The following PRH1 variants were observed in gnomAD, a reference collection of about 807,000 sequenced individuals.
PRH1 encodes the protein salivary acidic proline-rich phosphoprotein 1/2.
PRH1 carries 7 observed loss-of-function variants against 7.9 expected under a neutral mutation model. The observed-to-expected ratio is 0.89, with a 90% confidence interval of 0.50 to 1.67. The LOEUF is 1.67. Ranked by LOEUF, PRH1 falls within the 40% of genes most tolerant of loss-of-function variation. PRH1 has a pLI of 0.00. For missense variants in PRH1, 109 were observed against 223.6 expected (o/e 0.49, Z 3.27); for synonymous variants, 45 against 80.8 (o/e 0.56, Z 2.38).
At chr12:11,069,233 A>C (rs1193745877) in intron 1 of PRH1, among the ~76,000 whole-genome samples, 1 of 152,098 alleles carries the variant, frequency 6.6e-6, no homozygotes, top group South Asian at 2.1e-4. Context: ...TGTTACTTCT[A>C]AATGTAAATT....
At chr12:10,939,041 A>C (rs761725125) in intron 2 of PRH1, 2 of 1,613,964 alleles carry the variant, frequency 1.2e-6, no homozygotes, top group Admixed American at 3.3e-5. Context: ...AACCAGGCTA[A>C]TTCGAGAGAT....
chr12:10,995,757 A>G (rs1168710274), intron 1 of PRH1, among the ~76,000 whole-genome samples: 1 of 152,150 alleles, frequency 6.6e-6, no homozygotes, highest in Non-Finnish European at 1.5e-5. Flanking sequence ...CTCAACTTCA[A>G]AAAGGTTTTT....
chr12:11,004,981 T>C (rs1940762921), intron 1 of PRH1, among the ~76,000 whole-genome samples: 1 of 152,142 alleles, frequency 6.6e-6, no homozygotes, highest in Non-Finnish European at 1.5e-5. Flanking sequence ...CATGTCTGAA[T>C]TCTTTTTAAG....
chr12:11,171,191 C>G (rs911532157), intron 1 of PRH1: 3 of 409,722 alleles, frequency 7.3e-6, no homozygotes, highest in Non-Finnish European at 1.3e-5. Flanking sequence ...CAGCGGCGCC[C>G]GGGGCTACGC....
chr12:10,956,109 A>G (rs1317129971), intron 2 of PRH1, among the ~76,000 whole-genome samples: 1 of 152,094 alleles, frequency 6.6e-6, no homozygotes, highest in African/African-American at 2.4e-5. Flanking sequence ...TGATACCAAA[A>G]CCAGGCAGAG....
chr12:10,970,653 C>T (rs1938766804), intron 2 of PRH1, among the ~76,000 whole-genome samples: 2 of 151,956 alleles, frequency 1.3e-5, no homozygotes, highest in African/African-American at 2.4e-5. Context: ...CAACCTCCGC[C>T]TCCCAGGTTG....
At chr12:11,072,523 AAAT>A (rs1238858972) in intron 1 of PRH1, among the ~76,000 whole-genome samples, 2 of 152,248 alleles carry the variant, frequency 1.3e-5, no homozygotes, top group African/African-American at 4.8e-5. Flanking sequence ...AAGGATTGAA[AAAT>A]AATAATCACA....
intron 1 of PRH1, among the ~76,000 whole-genome samples, chr12:11,162,976 A>T (rs1048579231): frequency 6.6e-6 from 1 of 152,216 alleles, no homozygotes; most frequent in Non-Finnish European, 1.5e-5. Flanking sequence ...ATATAGTACT[A>T]TGAAGTGATA....
chr12:10,973,687 C>T (rs777633119), exon 2 of PRH1: 2 of 779,960 alleles, frequency 2.6e-6, no homozygotes, highest in Non-Finnish European at 4.8e-6. Context: ...GTAGATACAG[C>T]AGGTTCCAGC....
intron 2 of PRH1, among the ~76,000 whole-genome samples, chr12:10,902,952 G>T (rs1292246357): frequency 1.3e-5 from 2 of 152,028 alleles, no homozygotes; most frequent in Admixed American, 6.6e-5. Context: ...CCACACAATA[G>T]AAACTACAAA....
rs1169075480 is a variant in PRH1 at position 11,148,278 on chromosome 12, T to C, written n.39+23144A>G. ...TCTTTTCCTAATTGAATACCCTTTATTTCCTTCTCCTGCCTCATTGCCCTG... is the reference window on the plus strand; with the variant it reads ...TCTTTTCCTAATTGAATACCCTTTACTTCCTTCTCCTGCCTCATTGCCCTG... On this transcript the variant is annotated intron_variant and non_coding_transcript_variant, in intron 1 of 1. Coordinates refer to the PRH1 transcript ENST00000541175. 2.6e-5 allele frequency among the ~76,000 whole-genome samples: 4 copies of C among 152,114 alleles called. No homozygotes were observed. In the East Asian group the frequency reaches 5.8e-4, roughly 22 times the overall value.
intron 1 of PRH1, among the ~76,000 whole-genome samples, chr12:11,015,015 G>A (rs2136050753): frequency 6.6e-6 from 1 of 152,206 alleles, no homozygotes; most frequent in Admixed American, 6.5e-5. Flanking sequence ...GCTTAAAATT[G>A]CTAGTCAGCA....
At chr12:11,141,701 C>A (rs1209875348) in intron 1 of PRH1, among the ~76,000 whole-genome samples, 1 of 152,150 alleles carries the variant, frequency 6.6e-6, no homozygotes, top group African/African-American at 2.4e-5. Context: ...ATTTTACCTT[C>A]TGGTACAGGC....
intron 1 of PRH1, among the ~76,000 whole-genome samples, chr12:10,991,538 C>A (rs1861203106): frequency 6.6e-6 from 1 of 151,826 alleles, no homozygotes; most frequent in Non-Finnish European, 1.5e-5. Context: ...TTAAATGTAA[C>A]TTTGACATTT....
At chr12:11,038,799 A>T (rs1217191249) in intron 1 of PRH1, among the ~76,000 whole-genome samples, 2 of 109,176 alleles carry the variant, frequency 1.8e-5, no homozygotes, top group Non-Finnish European at 4.3e-5. Flanking sequence ...TTAGGATGTG[A>T]TCCTTCATCT....
chr12:10,903,931 C>CAAAAAAAAAAAAAAAAAAAAAAACA (rs1949762091), intron 2 of PRH1, among the ~76,000 whole-genome samples: 1 of 31,106 alleles, frequency 3.2e-5, no homozygotes, highest in Admixed American at 5.4e-4. Context: ...ACAATAGCCT[C>CAAAAAAAAAAAAAAAAAAAAAAACA]AAAAAAAAAA....
At chr12:11,129,724 T>G (rs1260149512) in intron 1 of PRH1, among the ~76,000 whole-genome samples, 1 of 152,280 alleles carries the variant, frequency 6.6e-6, no homozygotes, top group Non-Finnish European at 1.5e-5. Context: ...TCTACACCCA[T>G]TATGAGGGAA....
intron 1 of PRH1, among the ~76,000 whole-genome samples, chr12:10,991,017 C>T (rs10845269): frequency 1.1e-4 from 17 of 152,022 alleles, no homozygotes; most frequent in East Asian, 1.9e-4. Context: ...GTTCTTGTTA[C>T]GACATCCAAA....
At chr12:10,909,675 A>T in intron 2 of PRH1, 1 of 188,652 alleles carries the variant, frequency 5.3e-6, no homozygotes, top group Non-Finnish European at 1.1e-5. Flanking sequence ...GAGCATAGAA[A>T]ATTAGATTCA....
Sources: allele counts gnomAD v4.1 joint callset (sites outside exome capture counted in the v4.1 genomes callset), GRCh38; gene constraint gnomAD v4.1.1; transcripts MANE v1.5; gene names NCBI Gene and HGNC (gene_info 2026-07-23, HGNC 2026-07-21).